MILR1: variants seen among roughly 807,000 people sequenced by gnomAD.
MILR1 encodes the protein mast cell immunoglobulin like receptor 1, also known as allergin-1.
Under a neutral mutation model 18.5 loss-of-function variants are expected in MILR1, and 31 were observed. The ratio of observed to expected loss-of-function variants is 1.68; its 90% CI spans 1.26 to 2.26. The LOEUF (loss-of-function observed/expected upper bound fraction) is 2.26, where lower values mean the gene tolerates loss of function less well. Ranked by LOEUF, MILR1 falls within the 30% of genes most tolerant of loss-of-function variation. MILR1 has a pLI of 0.00. For missense variants in MILR1, 257 were observed against 157.4 expected, an observed-to-expected ratio of 1.63 and a Z score of -3.38; for synonymous variants, 85 against 56.2, an observed-to-expected ratio of 1.51 and a Z score of -2.30.
chr17:64,474,238 T>G, the MILR1 span, among the ~76,000 whole-genome samples: 1 of 151,608 alleles, frequency 6.6e-6, no homozygotes, highest in African/African-American at 2.4e-5. Context: ...CCATGCCCAG[T>G]TAATTTTTGT....
the MILR1 span, among the ~76,000 whole-genome samples, chr17:64,477,233 T>A: frequency 2.0e-5 from 3 of 152,162 alleles, no homozygotes; most frequent in Non-Finnish European, 4.4e-5. Context: ...AGGGATAAAT[T>A]GCGTTTGATC....
chr17:64,474,355 G>A, the MILR1 span, among the ~76,000 whole-genome samples: 1 of 151,770 alleles, frequency 6.6e-6, no homozygotes, highest in Non-Finnish European at 1.5e-5. Flanking sequence ...GATTACAGGC[G>A]TGAGCCACCG....
At chr17:64,466,349 T>G in intron 6 of MILR1, 93 bp from the exon 7 acceptor site, 3 of 1,036,502 alleles carry the variant, frequency 2.9e-6, no homozygotes, top group Non-Finnish European at 4.4e-6. Context: ...CCAGCCTACA[T>G]GGCCACATTC....
intron 4 of MILR1, 80 bp from the exon 5 acceptor site, chr17:64,460,742 C>T (rs913681821): frequency 2.2e-6 from 1 of 460,240 alleles, no homozygotes. Context: ...GGAGACATCA[C>T]CTTTTCTAAA....
chr17:64,477,900 T>C, the MILR1 span: 4 of 1,613,804 alleles, frequency 2.5e-6, no homozygotes, highest in Non-Finnish European at 3.4e-6. Flanking sequence ...TCCTTCATTG[T>C]GGTGTCTCTG....
chr17:64,476,288 A>G, the MILR1 span, among the ~76,000 whole-genome samples: 2 of 152,166 alleles, frequency 1.3e-5, no homozygotes, highest in African/African-American at 4.8e-5. Context: ...CCTTGATATC[A>G]TGTAGTGTTA....
At chr17:64,479,975 T>C in the MILR1 span, among the ~76,000 whole-genome samples, 3 of 152,228 alleles carry the variant, frequency 2.0e-5, no homozygotes. Flanking sequence ...ATTCCACTCA[T>C]ATTCCTTCAG....
At chr17:64,467,057 CTTTT>C (rs1200413441) in intron 8 of MILR1, among the ~76,000 whole-genome samples, 3 of 120,200 alleles carry the variant, frequency 2.5e-5, no homozygotes, top group Admixed American at 1.7e-4. Context: ...TTCTTTCTTT[CTTTT>C]CTTTCTCTCT....
chr17:64,467,497 T>C, intron 8 of MILR1, 68 bp from the exon 9 acceptor site: 1 of 960,520 alleles, frequency 1.0e-6, no homozygotes, highest in Non-Finnish European at 1.6e-6. Context: ...CTACTAGAAA[T>C]AGGATTTTTA....
chr17:64,489,616 C>A, the MILR1 span, among the ~76,000 whole-genome samples: 870 of 152,178 alleles, frequency 5.7e-3, 4 homozygotes, highest in African/African-American at 0.02. Flanking sequence ...AACCATCAGT[C>A]GGGCATGGTG....
At chr17:64,466,955 C>G (rs1334470293) in intron 8 of MILR1, among the ~76,000 whole-genome samples, 1 of 151,308 alleles carries the variant, frequency 6.6e-6, no homozygotes, top group Non-Finnish European at 1.5e-5. Flanking sequence ...TTCCCTCTCT[C>G]CCTCCCTCCC....
the MILR1 span, chr17:64,491,494 A>G: frequency 1.4e-6 from 2 of 1,392,858 alleles, no homozygotes; most frequent in Non-Finnish European, 1.0e-6. Context: ...CGGGCAAAAG[A>G]GTGAGACTAT....
At position 64,468,278 on chromosome 17, in the gene MILR1, T is replaced by C. The variant is rs782757178; in HGVS notation, c.*29-32T>C. Reference sequence around the variant, plus strand: ...CTCTGTCTTCACGTGGCCTTTTATATTCTCTCTTGTCTCTCTCTTTTTTTT... The same window carrying C: ...CTCTGTCTTCACGTGGCCTTTTATACTCTCTCTTGTCTCTCTCTTTTTTTT... On this transcript the variant is annotated intron_variant, in intron 9 of 9. Transcript: ENST00000619286. The C allele has an allele frequency of 2.9e-5, 13 of 455,894 alleles. 1 individual carries two copies. The highest frequency in any genetic ancestry group is 2.0e-4 in the South Asian group (13 of 64,562). 28.2% of individuals were successfully genotyped at this position (455,894 alleles called of 1,614,324 possible).
At chr17:64,450,346 CGTAA>C (rs1472589929) in intron 2 of MILR1, among the ~76,000 whole-genome samples, 61 of 152,246 alleles carry the variant, frequency 4.0e-4, no homozygotes, top group Non-Finnish European at 5.7e-4. Context: ...GTAAACCATC[CGTAA>C]GTGATAGCCA....
downstream of MILR1, among the ~76,000 whole-genome samples, chr17:64,471,210 T>TG (rs551267754): frequency 7.8e-4 from 119 of 152,076 alleles, no homozygotes; most frequent in African/African-American, 2.9e-3. Context: ...CAATGCGCCA[T>TG]GGGAAAAACC....
At chr17:64,485,995 C>T in the MILR1 span, 1 of 792,880 alleles carries the variant, frequency 1.3e-6, no homozygotes, top group Non-Finnish European at 2.1e-6. Context: ...CAGCTCCCTG[C>T]AACCTCTGCC....
the MILR1 span, among the ~76,000 whole-genome samples, chr17:64,487,723 TG>T: frequency 6.6e-6 from 1 of 152,050 alleles, no homozygotes; most frequent in Non-Finnish European, 1.5e-5. Context: ...TGCTTTAGGC[TG>T]GGCACAGTGA....
the MILR1 span, chr17:64,497,102 C>T: frequency 3.3e-6 from 3 of 911,068 alleles, no homozygotes; most frequent in East Asian, 5.2e-5. Context: ...GCGGCAGGCC[C>T]CACCCCGGAA....
At chr17:64,478,110 T>C in the MILR1 span, 2 of 974,670 alleles carry the variant, frequency 2.1e-6, no homozygotes, top group Non-Finnish European at 3.1e-6. Flanking sequence ...GGCTTAAGGG[T>C]GGACCAAAAA....
Sources: gnomAD v4.1 joint callset for allele counts (sites outside exome capture counted in the v4.1 genomes callset) on GRCh38, gnomAD v4.1.1 for gene constraint, MANE v1.5 for transcripts, NCBI Gene and HGNC (gene_info 2026-07-23, HGNC 2026-07-21) for gene names.